Variants in AFF3 observed in about 807,000 individuals in gnomAD.
AFF3 encodes AF4/FMR2 family member 3.
In AFF3, 32 loss-of-function variants were observed where a neutral mutation model predicts 129.7. That is an observed-to-expected ratio of 0.25 (90% CI 0.19 to 0.33). AFF3 has a LOEUF of 0.33. Ranked by LOEUF, AFF3 falls within the 10% of genes least tolerant of loss-of-function variation. The pLI, the probability that AFF3 is intolerant of heterozygous loss-of-function variation, is 1.00. For synonymous variants in AFF3, 644 were observed against 635.4 expected, an observed-to-expected ratio of 1.01 and a Z score of -0.20; for missense variants, 1,373 against 1,592.0, an observed-to-expected ratio of 0.86 and a Z score of 2.34.
intron 22 of AFF3, 136 bp downstream of exon 22, chr2:99,558,739 C>T: frequency 1.4e-6 from 1 of 698,112 alleles, no homozygotes; most frequent in South Asian, 2.2e-5. Context: ...ACAAGTGTGG[C>T]ATAAATGGGG....
At chr2:99,989,625 T>C (rs1680161811) in intron 7 of AFF3, among the ~76,000 whole-genome samples, 1 of 152,226 alleles carries the variant, frequency 6.6e-6, no homozygotes. Flanking sequence ...ATAGCTAGTC[T>C]CATTTGCAAC....
chr2:99,950,839 C>T (rs1676090058), intron 7 of AFF3, among the ~76,000 whole-genome samples: 1 of 152,090 alleles, frequency 6.6e-6, no homozygotes, highest in South Asian at 2.1e-4. Context: ...CTTCCTATGA[C>T]AAATAAAATC....
intron 10 of AFF3, among the ~76,000 whole-genome samples, chr2:99,740,063 T>C (rs1680588934): frequency 3.3e-5 from 5 of 150,396 alleles, no homozygotes; most frequent in Non-Finnish European, 7.4e-5. Flanking sequence ...ATATGCGGTG[T>C]TTGGTTTTTT....
chr2:99,800,840 T>G (rs1395287678), intron 8 of AFF3, among the ~76,000 whole-genome samples: 1 of 152,188 alleles, frequency 6.6e-6, no homozygotes, highest in Non-Finnish European at 1.5e-5. Context: ...ACATGCTATA[T>G]GATTCTACAT....
At chr2:99,742,828 G>A (rs192639922) in intron 10 of AFF3, among the ~76,000 whole-genome samples, 9 of 152,348 alleles carry the variant, frequency 5.9e-5, no homozygotes, top group Non-Finnish European at 1.0e-4. Flanking sequence ...GGACGCTAGC[G>A]CAGAATAGAC....
chr2:99,813,161 ATG>A (rs1686926192), intron 8 of AFF3, among the ~76,000 whole-genome samples: 1 of 121,712 alleles, frequency 8.2e-6, no homozygotes, highest in African/African-American at 3.0e-5. Context: ...GTAGGTACAC[ATG>A]ACAGGGTTGC....
chr2:99,620,340 A>G (rs1477850196), intron 13 of AFF3, among the ~76,000 whole-genome samples: 2 of 152,166 alleles, frequency 1.3e-5, no homozygotes, highest in Non-Finnish European at 2.9e-5. Flanking sequence ...TTAAAAAGAA[A>G]AAAACAGGCC....
chr2:99,661,955 C>T (rs1286892081), intron 12 of AFF3, among the ~76,000 whole-genome samples: 7 of 152,142 alleles, frequency 4.6e-5, no homozygotes, highest in Admixed American at 6.5e-5. Context: ...TCCTGGCCAA[C>T]GCGGTGAAAC....
intron 11 of AFF3, among the ~76,000 whole-genome samples, chr2:99,693,588 C>T (rs1267959918): frequency 1.3e-5 from 2 of 152,028 alleles, no homozygotes; most frequent in African/African-American, 4.8e-5. Context: ...CTGGATACTG[C>T]AATTTGTAAG....
chr2:99,963,118 G>A (rs1288527936), intron 7 of AFF3, among the ~76,000 whole-genome samples: 1 of 151,794 alleles, frequency 6.6e-6, no homozygotes, highest in Non-Finnish European at 1.5e-5. Flanking sequence ...AAACCATGGT[G>A]GCCAGAAAAA....
intron 4 of AFF3, among the ~76,000 whole-genome samples, chr2:100,100,613 T>C (rs1425838147): frequency 6.6e-6 from 1 of 152,234 alleles, no homozygotes. Flanking sequence ...TTCATGTGTG[T>C]TCTTGTCTTA....
chr2:99,665,104 G>A (rs1452899502), intron 12 of AFF3, among the ~76,000 whole-genome samples: 1 of 152,226 alleles, frequency 6.6e-6, no homozygotes, highest in Non-Finnish European at 1.5e-5. Context: ...CCACAAATGA[G>A]CTCAGTGTGA....
chr2:100,077,912 T>C (rs1249403316), intron 4 of AFF3, among the ~76,000 whole-genome samples: 1 of 152,212 alleles, frequency 6.6e-6, no homozygotes, highest in Non-Finnish European at 1.5e-5. Context: ...AGGAATGCCC[T>C]TGGACACCAG....
chr2:99,822,071 G>A (rs1480052164), intron 8 of AFF3, among the ~76,000 whole-genome samples: 1 of 152,188 alleles, frequency 6.6e-6, no homozygotes, highest in Non-Finnish European at 1.5e-5. Flanking sequence ...AGGAATGTGA[G>A]CTGGGCTCTG....
chr2:99,997,586 G>A (rs1017321103), intron 7 of AFF3, among the ~76,000 whole-genome samples: 7 of 151,304 alleles, frequency 4.6e-5, no homozygotes, highest in African/African-American at 1.7e-4. Flanking sequence ...TCATACCTAC[G>A]TCAGATCATG....
At chr2:100,076,549 G>A (rs1490892395) in intron 4 of AFF3, among the ~76,000 whole-genome samples, 1 of 152,082 alleles carries the variant, frequency 6.6e-6, no homozygotes, top group East Asian at 1.9e-4. Flanking sequence ...TCCAGCCCCG[G>A]GAACCCATTT....
intron 4 of AFF3, among the ~76,000 whole-genome samples, chr2:100,065,594 A>T (rs1012590505): frequency 1.3e-5 from 2 of 152,230 alleles, no homozygotes; most frequent in African/African-American, 4.8e-5. Context: ...AATATTTTCC[A>T]CAACTGACAA....
At chr2:99,822,740 CG>C in intron 8 of AFF3, among the ~76,000 whole-genome samples, 1 of 152,242 alleles carries the variant, frequency 6.6e-6, no homozygotes, top group East Asian at 1.9e-4. Context: ...CTGCTGTTCC[CG>C]GGGCTTTATT....
chr2:99,693,303 G>T (rs188642797), intron 11 of AFF3, among the ~76,000 whole-genome samples: 11 of 152,254 alleles, frequency 7.2e-5, no homozygotes, highest in Non-Finnish European at 1.3e-4. Flanking sequence ...GACTGTACAA[G>T]AAAAATCTTA....
Sources: gnomAD v4.1 joint callset for allele counts (sites outside exome capture counted in the v4.1 genomes callset) on GRCh38, gnomAD v4.1.1 for gene constraint, MANE v1.5 for transcripts, NCBI Gene and HGNC (gene_info 2026-07-23, HGNC 2026-07-21) for gene names.